The following AHNAK variants were observed in gnomAD, a reference collection of about 807,000 sequenced individuals.
The protein encoded by AHNAK is AHNAK nucleoprotein, also known as neuroblast differentiation-associated protein AHNAK.
In AHNAK, 23 loss-of-function variants were observed where a neutral mutation model predicts 37.8. The observed-to-expected ratio is 0.61, with a 90% confidence interval of 0.44 to 0.86. The LOEUF is 0.86. Ranked by LOEUF, AHNAK falls within the 40% of genes least tolerant of loss-of-function variation. AHNAK has a pLI of 0.00. For missense variants in AHNAK, 7,411 were observed against 7,319.4 expected, an observed-to-expected ratio of 1.01 and a Z score of -0.46; for synonymous variants, 2,481 against 2,636.3, an observed-to-expected ratio of 0.94 and a Z score of 1.80.
At chr11:62,463,701 T>G (rs1303795914) in intron 5 of AHNAK, among the ~76,000 whole-genome samples, 3 of 151,986 alleles carry the variant, frequency 2.0e-5, no homozygotes, top group African/African-American at 7.2e-5. Flanking sequence ...CTTGCTGGGT[T>G]TTTGGTTTTG....
At chr11:62,511,552 G>A (rs970426981), downstream of AHNAK, among the ~76,000 whole-genome samples, 27 of 152,122 alleles carry the variant, frequency 1.8e-4, no homozygotes, top group African/African-American at 4.8e-4. Flanking sequence ...CACCGCGTCC[G>A]GCCCAGCAGT....
intron 5 of AHNAK, among the ~76,000 whole-genome samples, chr11:62,468,158 G>A (rs1174083845): frequency 2.0e-5 from 3 of 152,118 alleles, no homozygotes; most frequent in African/African-American, 4.8e-5. Context: ...AGACTGCCTA[G>A]GCAACATGGC....
At position 62,524,866 on chromosome 11, in the gene AHNAK, G is replaced by C. The variant is rs1940413138; in HGVS notation, c.9551C>G (p.Pro3184Arg). The C allele has an allele frequency of 1.9e-6, 3 of 1,614,006 alleles. No individual in the cohort carries two copies. Among genetic ancestry groups the C allele is most frequent in the Non-Finnish European group, 2.5e-6 (3 of 1,180,008 alleles). ...LPKADLDVSG[P>R]KVDVDVPDVN... ...ATCTGGAACATCAACGTCCACCTTG[G>C]GTCCTGAGACGTCAAGGTCAGCCTT... Residue 3184 changes from proline (P) to arginine (R), a missense_variant, in exon 5 of 5, where the codon CCC becomes CGC. Coordinates refer to ENST00000378024, the MANE Select transcript of AHNAK (RefSeq NM_001620.3).
At chr11:62,463,407 C>A (rs1938833623) in intron 5 of AHNAK, among the ~76,000 whole-genome samples, 1 of 152,118 alleles carries the variant, frequency 6.6e-6, no homozygotes, top group Non-Finnish European at 1.5e-5. Flanking sequence ...CATTTCTTAG[C>A]AAATTCGCCT....
At chr11:62,542,954 G>C (rs1941180745) in intron 1 of AHNAK, among the ~76,000 whole-genome samples, 1 of 152,168 alleles carries the variant, frequency 6.6e-6, no homozygotes, top group Non-Finnish European at 1.5e-5. Context: ...GTCGGACCAC[G>C]CTACTGCAGG....
At chr11:62,465,378 G>T (rs1349348744) in intron 5 of AHNAK, among the ~76,000 whole-genome samples, 1 of 152,196 alleles carries the variant, frequency 6.6e-6, no homozygotes, top group Non-Finnish European at 1.5e-5. Context: ...ACTTTGGGAG[G>T]CCGAGGTGGG....
At chr11:62,544,119 C>A (rs930029785) in intron 1 of AHNAK, among the ~76,000 whole-genome samples, 4 of 152,164 alleles carry the variant, frequency 2.6e-5, no homozygotes, top group Non-Finnish European at 5.9e-5. Flanking sequence ...CCAGGACCCA[C>A]CAGCCAATTC....
At position 62,530,620 on chromosome 11, in the gene AHNAK, C is replaced by T; in HGVS notation, c.3797G>A (p.Gly1266Asp). ...CACTTCTCGGCCCTCTCCTTTGAAG[C>T]CAGGCATGCTAAACTTGGGCATTTT... ...KMKMPKFSMP[G>D]FKGEGREVDV... The change falls in exon 5 of 5, where the codon GGC (glycine) becomes GAC (aspartate). Residue 1266 changes from glycine (G) to aspartate (D), a missense_variant. Transcript: ENST00000378024. 1 of 1,613,362 alleles carries T rather than the reference C, an allele frequency of 6.2e-7. No individual in the cohort carries two copies. Among genetic ancestry groups the T allele is most frequent in the Non-Finnish European group, 8.5e-7 (1 of 1,179,896 alleles).
chr11:62,495,587 A>G (rs1164652098), intron 4 of AHNAK, among the ~76,000 whole-genome samples: 1 of 151,144 alleles, frequency 6.6e-6, no homozygotes, highest in Non-Finnish European at 1.5e-5. Context: ...AAAAAAAAAA[A>G]CATTAGCTGG....
chr11:62,493,384 G>A (rs1939542835), intron 4 of AHNAK, among the ~76,000 whole-genome samples: 1 of 146,422 alleles, frequency 6.8e-6, no homozygotes, highest in Non-Finnish European at 1.5e-5. Flanking sequence ...AGGCTGGAGT[G>A]CAGTGGCACA....
In AHNAK at chr11:62,533,390, C is replaced by T. The variant is rs367578033; in HGVS notation, c.1027G>A (p.Gly343Ser). The T allele has an allele frequency of 4.1e-5, 65 of 1,594,476 alleles. No homozygotes were observed. Among genetic ancestry groups the T allele is most frequent in the South Asian group, 2.9e-4 (25 of 86,710 alleles). ...APEVSVGHKG[G>S]KPGLTIQAPQ... is the part of the protein sequence containing the mutation. ...GCTTGGATAGTCAAGCCTGGCTTGC[C>T]GCCCTTGTGCCCCACAGAGACTTCA... The change falls in exon 5 of 5, where the codon GGC (glycine) becomes AGC (serine). Residue 343 changes from glycine to serine, a missense_variant. Coordinates refer to ENST00000378024, the MANE Select transcript of AHNAK (RefSeq NM_001620.3).
Position 62,480,450 on chromosome 11 carries a change from G to A in AHNAK, c.442+11282C>T, listed in dbSNP as rs142140987. ...GCCGAGGTGGGTGGATCACAAGGTC[G>A]GGAGTTCAAGATCCGCCTGGCCAAG... is the stretch of plus-strand genomic sequence containing the variant. On this transcript the variant is annotated intron_variant, in intron 5 of 5. Transcript: ENST00000257247. Among the ~76,000 whole-genome samples the A allele has an allele frequency of 7.7e-3, 1,176 of 151,786 alleles. 12 individuals are homozygous for A. Among genetic ancestry groups the A allele is most frequent in the African/African-American group, 0.026 (1,068 of 41,382 alleles).
chr11:62,529,259 A>C lies in AHNAK; in HGVS notation c.5158T>G (p.Phe1720Val), dbSNP rs1940632959. ...TCTGCTTTGAAGCCAGGCATACTGA[A>C]CTTGGGCATTTTCATCTTGGGCATT... ...LKMPKMKMPKFSMPGFKAEGP... is the reference protein window; with the variant it reads ...LKMPKMKMPKVSMPGFKAEGP... Residue 1720 changes from phenylalanine to valine, a missense_variant, in exon 5 of 5, where the codon TTC becomes GTC. By Grantham distance (50) the Phe-to-Val change is conservative. Coordinates refer to ENST00000378024, the MANE Select transcript of AHNAK (RefSeq NM_001620.3). 1 of 1,614,134 alleles carries C rather than the reference A, an allele frequency of 6.2e-7. No homozygotes were observed. Among genetic ancestry groups the C allele is most frequent in the Non-Finnish European group, 8.5e-7 (1 of 1,180,026 alleles).
chr11:62,463,180 A>G (rs1039711431), intron 5 of AHNAK, among the ~76,000 whole-genome samples: 5 of 151,962 alleles, frequency 3.3e-5, no homozygotes, highest in African/African-American at 1.2e-4. Context: ...TGCCAGTCCT[A>G]CAGACCAGGA....
Position 62,516,592 on chromosome 11 carries a change from G to A in AHNAK, c.*152C>T, listed in dbSNP as rs1940025279. On this transcript the variant is annotated 3_prime_UTR_variant, in exon 5 of 5. Transcript: ENST00000378024. ...TAGTTCCAGGAGCCTACAGGCGGTC[G>A]GTTTTTCAGCGCTTGCCACCGGGCC... 8 of 1,474,000 alleles carry A rather than the reference G, an allele frequency of 5.4e-6. No individual in the cohort carries two copies. Among genetic ancestry groups the A allele is most frequent in the South Asian group, 3.0e-5 (2 of 66,478 alleles). The allele number at this position is 1,474,000 out of a possible 1,614,324, so 91.3% of individuals were successfully genotyped here.
At chr11:62,498,612 A>G (rs1000026997) in intron 4 of AHNAK, among the ~76,000 whole-genome samples, 2 of 151,426 alleles carry the variant, frequency 1.3e-5, no homozygotes, top group Non-Finnish European at 2.9e-5. Flanking sequence ...AAAAAAAAAA[A>G]AAGAAATTTT....
At chr11:62,478,163 C>T (rs919524049) in intron 5 of AHNAK, among the ~76,000 whole-genome samples, 1 of 152,184 alleles carries the variant, frequency 6.6e-6, no homozygotes, top group African/African-American at 2.4e-5. Context: ...AATGGCCTCT[C>T]ACCACCACCC....
Position 62,532,286 on chromosome 11 carries a change from C to T in AHNAK, c.2131G>A (p.Val711Met). 1 of 1,614,126 alleles carries T rather than the reference C, an allele frequency of 6.2e-7. No homozygotes were observed. Among genetic ancestry groups the T allele is most frequent in the Non-Finnish European group, 8.5e-7 (1 of 1,180,034 alleles). Residue 711 changes from valine (V) to methionine (M), a missense_variant, in exon 5 of 5, where the codon GTG becomes ATG. Transcript: ENST00000378024. The part of the protein sequence containing the change: ...DVDLHVKGTK[V>M]KGEYDVTVPK... ...ACAGTTACATCATACTCTCCCTTCA[C>T]CTTTGTACCTTTCACGTGCAAATCT...
chr11:62,446,877 C>T (rs112588151), intron 5 of AHNAK, among the ~76,000 whole-genome samples: 4,157 of 152,026 alleles, frequency 0.027, 193 homozygotes, highest in African/African-American at 0.093. Context: ...ATCAAGTCTC[C>T]CCCAAACTGA....
Sources: allele counts gnomAD v4.1 joint callset (sites outside exome capture counted in the v4.1 genomes callset), GRCh38; gene constraint gnomAD v4.1.1; transcripts MANE v1.5; gene names NCBI Gene and HGNC (gene_info 2026-07-23, HGNC 2026-07-21).